The following BMPER variants were observed in gnomAD, a reference collection of about 807,000 sequenced individuals.
BMPER encodes BMP-binding endothelial regulator protein.
In BMPER, 45 loss-of-function variants were observed where a neutral mutation model predicts 87.3. That is an observed-to-expected ratio of 0.52 (90% CI 0.41 to 0.66). BMPER has a LOEUF of 0.66. Ranked by LOEUF, BMPER falls within the 30% of genes least tolerant of loss-of-function variation. The pLI, the probability that BMPER is intolerant of heterozygous loss-of-function variation, is 0.00. For synonymous variants in BMPER, 326 were observed against 316.2 expected (o/e 1.03, Z -0.33); for missense variants, 784 against 867.5 (o/e 0.90, Z 1.21).
At chr7:34,097,891 G>C (rs1310187844) in intron 13 of BMPER, among the ~76,000 whole-genome samples, 1 of 152,144 alleles carries the variant, frequency 6.6e-6, no homozygotes, top group African/African-American at 2.4e-5. Flanking sequence ...TAGGTCCCTG[G>C]TTAAAAGGGT....
chr7:33,945,390 A>G (rs1784868922), intron 3 of BMPER, among the ~76,000 whole-genome samples: 1 of 151,472 alleles, frequency 6.6e-6, no homozygotes, highest in Non-Finnish European at 1.5e-5. Flanking sequence ...AGCTGGAATT[A>G]CAGGTGCCTG....
chr7:34,096,599 G>A (rs1789538177), intron 13 of BMPER, among the ~76,000 whole-genome samples: 1 of 151,992 alleles, frequency 6.6e-6, no homozygotes, highest in South Asian at 2.1e-4. Flanking sequence ...CTTCTGACTT[G>A]GCAAGTAAAA....
chr7:34,024,194 C>A (rs1196433161), intron 6 of BMPER, among the ~76,000 whole-genome samples: 1 of 149,476 alleles, frequency 6.7e-6, no homozygotes, highest in African/African-American at 2.5e-5. Flanking sequence ...CCTGCATCTA[C>A]TAAAAATACA....
chr7:33,915,712 A>T (rs1366548263), intron 2 of BMPER, among the ~76,000 whole-genome samples: 1 of 152,158 alleles, frequency 6.6e-6, no homozygotes, highest in African/African-American at 2.4e-5. Flanking sequence ...AAAGGCCAAG[A>T]TGTGTGTGAA....
At chr7:34,049,522 T>A (rs1258484934) in intron 7 of BMPER, among the ~76,000 whole-genome samples, 2 of 152,200 alleles carry the variant, frequency 1.3e-5, no homozygotes, top group East Asian at 3.9e-4. Flanking sequence ...GCTATGGGAA[T>A]GCAGAAAGGG....
At chr7:33,917,832 C>A (rs17170494) in intron 2 of BMPER, among the ~76,000 whole-genome samples, 2 of 151,752 alleles carry the variant, frequency 1.3e-5, no homozygotes, top group African/African-American at 4.8e-5. Context: ...ATTTTTAGAC[C>A]CTGTGTGGTC....
At chr7:34,004,313 C>T (rs1394088164) in intron 6 of BMPER, among the ~76,000 whole-genome samples, 1 of 151,824 alleles carries the variant, frequency 6.6e-6, no homozygotes, top group Admixed American at 6.6e-5. Context: ...TTTCTTTAGA[C>T]TTTCTTTTTT....
intron 6 of BMPER, among the ~76,000 whole-genome samples, chr7:34,036,517 T>A (rs1255832811): frequency 6.6e-6 from 1 of 152,164 alleles, no homozygotes; most frequent in Non-Finnish European, 1.5e-5. Flanking sequence ...TCAGCTCAGT[T>A]AGCCCTGGAA....
Position 34,153,769 on chromosome 7 carries a change from G to A in BMPER, c.*496G>A. 1 of 178,536 alleles carries A rather than the reference G, an allele frequency of 5.6e-6. No homozygotes were observed. Among genetic ancestry groups the A allele is most frequent in the South Asian group, 1.2e-4 (1 of 8,636 alleles). 11.1% of individuals were successfully genotyped at this position (178,536 alleles called of 1,614,324 possible). Reference sequence around the variant, plus strand: ...TTCCAAAGAAAGGAATGTATGCCTGGGAAAGACAGCAGGAGATTGGTGACC... The same window carrying A: ...TTCCAAAGAAAGGAATGTATGCCTGAGAAAGACAGCAGGAGATTGGTGACC... On this transcript the variant is annotated 3_prime_UTR_variant, in exon 15 of 15. Transcript: ENST00000649409.
intron 2 of BMPER, among the ~76,000 whole-genome samples, chr7:33,917,146 G>A (rs1400512795): frequency 1.3e-5 from 2 of 152,134 alleles, no homozygotes; most frequent in Non-Finnish European, 2.9e-5. Context: ...AAGGTTCTGG[G>A]GCGATCTGAC....
At chr7:33,962,453 C>T (rs1442257930) in intron 3 of BMPER, among the ~76,000 whole-genome samples, 2 of 152,084 alleles carry the variant, frequency 1.3e-5, no homozygotes, top group East Asian at 3.9e-4. Flanking sequence ...AGCCTTGGCG[C>T]AATGAAAATG....
intron 2 of BMPER, among the ~76,000 whole-genome samples, chr7:33,920,418 G>GTT (rs879327540): frequency 0.053 from 5,244 of 99,264 alleles, 575 homozygotes; most frequent in South Asian, 0.067. Context: ...AAACTCCGTT[G>GTT]TGTTTTTTTT....
chr7:33,956,015 G>C (rs1038014784), intron 3 of BMPER, among the ~76,000 whole-genome samples: 1 of 149,822 alleles, frequency 6.7e-6, no homozygotes, highest in Non-Finnish European at 1.5e-5. Flanking sequence ...TTCATAGACA[G>C]ACAAACAAAC....
chr7:34,114,309 T>G (rs1488274224), intron 13 of BMPER, among the ~76,000 whole-genome samples: 1 of 152,222 alleles, frequency 6.6e-6, no homozygotes, highest in African/African-American at 2.4e-5. Context: ...CTGGCTGTGT[T>G]CAACAGTTGT....
chr7:34,062,323 A>G lies in BMPER; in HGVS notation c.1078+276A>G, dbSNP rs932645777. 7.9e-5 allele frequency among the ~76,000 whole-genome samples: 12 copies of G among 152,232 alleles called. 1 individual carries two copies. The highest frequency in any genetic ancestry group is 2.9e-4 in the African/African-American group (12 of 41,458). ...GGTTTTAAAAAGGACCAGATAACTT[A>G]ATGTGCATTTTAACTGCTAATAGCA... On this transcript the variant is annotated intron_variant, in intron 11 of 14. Coordinates refer to ENST00000649409, the MANE Select transcript of BMPER (RefSeq NM_001365308.1).
At chr7:34,072,143 A>G (rs888306449) in intron 11 of BMPER, among the ~76,000 whole-genome samples, 4 of 152,222 alleles carry the variant, frequency 2.6e-5, no homozygotes, top group African/African-American at 9.6e-5. Context: ...ATGTGCACAG[A>G]CATAGTGAGG....
intron 13 of BMPER, among the ~76,000 whole-genome samples, chr7:34,106,001 A>T (rs1313788768): frequency 6.6e-6 from 1 of 152,178 alleles, no homozygotes; most frequent in Non-Finnish European, 1.5e-5. Flanking sequence ...TAGCAAAACA[A>T]CACTTGCGCC....
intron 6 of BMPER, among the ~76,000 whole-genome samples, chr7:33,987,749 C>T (rs890846216): frequency 2.0e-5 from 3 of 152,046 alleles, no homozygotes; most frequent in Non-Finnish European, 4.4e-5. Context: ...TCATGATTAA[C>T]CACATTATGT....
intron 6 of BMPER, among the ~76,000 whole-genome samples, chr7:33,988,637 T>C (rs1158713745): frequency 1.3e-5 from 2 of 152,148 alleles, no homozygotes; most frequent in Non-Finnish European, 2.9e-5. Context: ...AATTATACTT[T>C]AAGTTTTAGG....
Sources: allele counts gnomAD v4.1 joint callset (sites outside exome capture counted in the v4.1 genomes callset), GRCh38; gene constraint gnomAD v4.1.1; transcripts MANE v1.5; gene names NCBI Gene and HGNC (gene_info 2026-07-23, HGNC 2026-07-21).